The following C1orf87 variants were observed in gnomAD, a reference collection of about 807,000 sequenced individuals.
The protein encoded by C1orf87 is chromosome 1 open reading frame 87.
In C1orf87, 58 loss-of-function variants were observed where a neutral mutation model predicts 60.5. The ratio of observed to expected loss-of-function variants is 0.96; its 90% CI spans 0.78 to 1.19. The LOEUF (loss-of-function observed/expected upper bound fraction) is 1.19. C1orf87 is among the 50% of genes most tolerant of loss of function. The pLI, the probability that C1orf87 is intolerant of heterozygous loss-of-function variation, is 0.00. For missense variants in C1orf87, 673 were observed against 638.6 expected (o/e 1.05, Z -0.58); for synonymous variants, 236 against 227.4 (o/e 1.04, Z -0.34).
chr1:60,011,346 C>A (rs780695092), intron 8 of C1orf87, among the ~76,000 whole-genome samples: 1 of 151,994 alleles, frequency 6.6e-6, no homozygotes, highest in Non-Finnish European at 1.5e-5. Context: ...GATGGGACTA[C>A]GGTATGGTCA....
intron 2 of C1orf87, among the ~76,000 whole-genome samples, chr1:60,058,793 G>A (rs910027055): frequency 2.0e-5 from 3 of 152,152 alleles, no homozygotes; most frequent in East Asian, 3.9e-4. Context: ...GAAGGTCCAT[G>A]GAAGTTTGGG....
intron 6 of C1orf87, among the ~76,000 whole-genome samples, chr1:60,034,412 T>C (rs1171981849): frequency 6.6e-6 from 1 of 152,216 alleles, no homozygotes; most frequent in Non-Finnish European, 1.5e-5. Context: ...TGTGAAACTT[T>C]TCCTGTTTTC....
intron 9 of C1orf87, among the ~76,000 whole-genome samples, chr1:60,005,484 A>C (rs1645037261): frequency 6.6e-6 from 1 of 152,126 alleles, no homozygotes; most frequent in African/African-American, 2.4e-5. Flanking sequence ...GATAGCTGCC[A>C]TTTTAGATAG....
In C1orf87 at chr1:60,001,162, C is replaced by G. The variant is rs779658678; in HGVS notation, c.1193-6G>C. On this transcript the variant is annotated splice_polypyrimidine_tract_variant and splice_region_variant and intron_variant, in intron 9 of 11. Transcript: ENST00000371201. ...GGCTTTCTTTTCATTCTTCCCTGAACAAGAATAAAAAAAAAAAAAGGAAGG... is the reference window on the plus strand; with the variant it reads ...GGCTTTCTTTTCATTCTTCCCTGAAGAAGAATAAAAAAAAAAAAAGGAAGG... 8.6e-6 allele frequency: 13 copies of G among 1,505,732 alleles called. No individual in the cohort carries two copies. The East Asian group carries it at 2.4e-4, about 28-fold the overall frequency. 93.3% of individuals were successfully genotyped at this position (1,505,732 alleles called of 1,614,324 possible).
chr1:60,024,484 G>C (rs1394534389), intron 8 of C1orf87, among the ~76,000 whole-genome samples: 1 of 152,052 alleles, frequency 6.6e-6, no homozygotes, highest in Non-Finnish European at 1.5e-5. Flanking sequence ...TCTTTCTTTT[G>C]GTGTTACCTT....
chr1:60,030,529 T>C (rs1422355223), intron 7 of C1orf87, among the ~76,000 whole-genome samples: 1 of 152,196 alleles, frequency 6.6e-6, no homozygotes, highest in South Asian at 2.1e-4. Flanking sequence ...CAAAGAGTAA[T>C]TAAAACAACC....
At position 60,037,979 on chromosome 1, in the gene C1orf87, G is replaced by T. The variant is rs746593879; in HGVS notation, c.863+13C>A. On this transcript the variant is annotated intron_variant, in intron 6 of 11. Coordinates refer to ENST00000371201, the MANE Select transcript of C1orf87 (RefSeq NM_152377.3). The stretch of plus-strand genomic sequence containing the variant: ...CCTAGGAACAATACCCTCACAAAAA[G>T]GGAGAAGAGTACCTTTGGCTATGAG... 6.4e-7 allele frequency: 1 copy of T among 1,572,404 alleles called. No individual in the cohort carries two copies. The highest frequency in any genetic ancestry group is 8.7e-7 in the Non-Finnish European group (1 of 1,145,198).
In C1orf87 at chr1:60,020,282, CCG is replaced by C. The variant is rs529136458; in HGVS notation, c.1127+5117_1127+5118del. Among the ~76,000 whole-genome samples the C allele has an allele frequency of 1.7e-3, 257 of 152,260 alleles. 1 individual carries two copies. Among genetic ancestry groups the C allele is most frequent in the Non-Finnish European group, 3.0e-3 (206 of 68,022 alleles). ...ACAGGACTCTGTGCCTGTACAGAGGCCGCACTAGGGCACTGCCTAGTGGGGTT... is the reference window on the plus strand; with the variant it reads ...ACAGGACTCTGTGCCTGTACAGAGGCCACTAGGGCACTGCCTAGTGGGGTT... On this transcript the variant is annotated intron_variant, in intron 8 of 11. Coordinates refer to ENST00000371201, the MANE Select transcript of C1orf87 (RefSeq NM_152377.3).
intron 3 of C1orf87, among the ~76,000 whole-genome samples, 183 bp downstream of exon 3, chr1:60,055,021 G>A (rs554374599): frequency 6.6e-6 from 1 of 151,958 alleles, no homozygotes; most frequent in Admixed American, 6.6e-5. Context: ...GGTCAGCAAA[G>A]ATACAATATA....
At chr1:60,064,673 A>G (rs1186154129) in intron 2 of C1orf87, among the ~76,000 whole-genome samples, 1 of 108,370 alleles carries the variant, frequency 9.2e-6, no homozygotes, top group Non-Finnish European at 1.7e-5. Context: ...ATAATTATAT[A>G]TAAATATATA....
rs1644972779 is a variant in C1orf87, at chr1:59,997,687, C to A, written c.1402G>T (p.Ala468Ser). 5 of 1,613,984 alleles carry A rather than the reference C, an allele frequency of 3.1e-6. No individual in the cohort carries two copies. In the South Asian group the frequency reaches 5.5e-5, roughly 18 times the overall value. Residue 468 changes from alanine to serine, a missense_variant, in exon 11 of 12, where the codon GCT becomes TCT. Physicochemically the swap from Ala to Ser is moderately conservative, Grantham distance 99. Transcript: ENST00000371201. The stretch of plus-strand genomic sequence containing the variant: ...TCTATCCACGTCTCACATTCCTCAG[C>A]CTTGTTCTTCACAGCTGGATTCACG... ...PFVNPAVKNK[A>S]EECETWIDRF...
chr1:60,066,064 A>G (rs1033495368), intron 2 of C1orf87, among the ~76,000 whole-genome samples: 13 of 152,186 alleles, frequency 8.5e-5, no homozygotes, highest in African/African-American at 2.4e-4. Flanking sequence ...AAATATGCTA[A>G]TAATCATCTG....
At chr1:60,012,521 A>T (rs375499151) in intron 8 of C1orf87, among the ~76,000 whole-genome samples, 1 of 152,088 alleles carries the variant, frequency 6.6e-6, no homozygotes, top group African/African-American at 2.4e-5. Context: ...TACCCCCAAG[A>T]CCTTCAAAGT....
intron 8 of C1orf87, chr1:60,011,053 C>G (rs188252933): frequency 6.6e-6 from 1 of 151,892 alleles, no homozygotes; most frequent in African/African-American, 2.4e-5. Context: ...CTAGCCTTCA[C>G]AAGTATGGAA....
intron 8 of C1orf87, among the ~76,000 whole-genome samples, chr1:60,019,669 G>A: frequency 6.6e-6 from 1 of 152,198 alleles, no homozygotes; most frequent in East Asian, 1.9e-4. Context: ...TGACGTCCAG[G>A]CTGAGGTAGT....
chr1:60,005,595 A>G (rs897564078), intron 9 of C1orf87, among the ~76,000 whole-genome samples: 2 of 152,138 alleles, frequency 1.3e-5, no homozygotes, highest in African/African-American at 2.4e-5. Context: ...GATAAAGAGC[A>G]TTGGAGGAAA....
intron 2 of C1orf87, among the ~76,000 whole-genome samples, chr1:60,058,819 G>A (rs944687748): frequency 4.6e-5 from 7 of 152,220 alleles, no homozygotes; most frequent in Non-Finnish European, 8.8e-5. Flanking sequence ...GTGAGGAGCT[G>A]AAAGTACAGG....
rs147036860 is a variant in C1orf87, at chr1:60,027,136, T to C, written c.1030-1638A>G. Among the ~76,000 whole-genome samples the C allele has an allele frequency of 1.2e-4, 18 of 152,338 alleles. No homozygotes were observed. In the East Asian group the frequency reaches 3.1e-3, roughly 26 times the overall value. ...CAGTCTAGTGCCTGTATTAAGCCTA[T>C]CTTTTTATATTGATACTTCAGCCTT... On this transcript the variant is annotated intron_variant, in intron 7 of 11. Coordinates refer to ENST00000371201, the MANE Select transcript of C1orf87 (RefSeq NM_152377.3).
chr1:60,065,185 A>G (rs1377904694), intron 2 of C1orf87, among the ~76,000 whole-genome samples: 1 of 150,212 alleles, frequency 6.7e-6, no homozygotes, highest in Non-Finnish European at 1.5e-5. Flanking sequence ...AGTCAACTTA[A>G]GTGCCATCGG....
Sources: gnomAD v4.1 joint callset for allele counts (sites outside exome capture counted in the v4.1 genomes callset) on GRCh38, gnomAD v4.1.1 for gene constraint, MANE v1.5 for transcripts, NCBI Gene and HGNC (gene_info 2026-07-23, HGNC 2026-07-21) for gene names.